Variants in FSTL5 observed in about 807,000 individuals in gnomAD.
FSTL5 encodes the protein follistatin like 5.
A neutral mutation model predicts 89.1 loss-of-function variants in FSTL5; 62 were observed. The ratio of observed to expected loss-of-function variants is 0.70; its 90% CI spans 0.57 to 0.86. FSTL5 has a LOEUF of 0.86. Ranked by LOEUF, FSTL5 falls within the 40% of genes least tolerant of loss-of-function variation. FSTL5 has a pLI of 0.00. For synonymous variants in FSTL5, 383 were observed against 346.2 expected (o/e 1.11, Z -1.18); for missense variants, 1,057 against 1,001.6 (o/e 1.06, Z -0.75).
chr4:162,157,127 G>T (rs558224302), intron 1 of FSTL5, among the ~76,000 whole-genome samples: 1 of 152,174 alleles, frequency 6.6e-6, no homozygotes, highest in South Asian at 2.1e-4. Context: ...GACAGTCTGG[G>T]TCAAGGTAAA....
chr4:161,609,073 T>C (rs1734553622), intron 7 of FSTL5, among the ~76,000 whole-genome samples: 1 of 152,044 alleles, frequency 6.6e-6, no homozygotes, highest in Non-Finnish European at 1.5e-5. Context: ...GTGTGATTAT[T>C]TGTTAATTGT....
At chr4:161,908,844 T>C (rs1176957435) in intron 4 of FSTL5, among the ~76,000 whole-genome samples, 2 of 152,128 alleles carry the variant, frequency 1.3e-5, no homozygotes, top group African/African-American at 4.8e-5. Context: ...TAAAGTGATA[T>C]AGTATTAGAT....
intron 8 of FSTL5, among the ~76,000 whole-genome samples, chr4:161,570,378 T>C (rs999636568): frequency 6.6e-6 from 1 of 152,138 alleles, no homozygotes; most frequent in African/African-American, 2.4e-5. Context: ...GTTTGTTATG[T>C]ATAAGGTCCA....
intron 3 of FSTL5, among the ~76,000 whole-genome samples, chr4:161,954,367 C>G (rs1309472804): frequency 1.3e-5 from 2 of 151,424 alleles, no homozygotes; most frequent in East Asian, 3.9e-4. Context: ...TCAAAATTTC[C>G]ACAAAAAATT....
chr4:161,719,771 G>A (rs1739126582), intron 6 of FSTL5, among the ~76,000 whole-genome samples: 1 of 152,050 alleles, frequency 6.6e-6, no homozygotes, highest in South Asian at 2.1e-4. Flanking sequence ...TTTGTTGTTA[G>A]TGTATTGTAA....
chr4:161,611,231 C>CATATAT lies in FSTL5; in HGVS notation c.895-23662_895-23657dup, dbSNP rs70937667. Among the ~76,000 whole-genome samples, 1,194 of 128,326 alleles carry CATATAT rather than the reference C, an allele frequency of 9.3e-3. 11 individuals carry two copies. Among genetic ancestry groups the CATATAT allele is most frequent in the East Asian group, 0.016 (66 of 4,208 alleles). The allele number at this position is 128,326 out of a possible 152,430, so 84.2% of individuals were successfully genotyped here. ...ATGTGTATATGTGTGTATGTGTATACATATATATATATATATATATATATA... is the reference window on the plus strand; with the variant it reads ...ATGTGTATATGTGTGTATGTGTATACATATATATATATATATATATATATATATATA... On this transcript the variant is annotated intron_variant, in intron 7 of 15. Transcript: ENST00000306100.
chr4:162,162,091 T>C (rs1733717660), intron 1 of FSTL5, among the ~76,000 whole-genome samples: 1 of 152,106 alleles, frequency 6.6e-6, no homozygotes, highest in African/African-American at 2.4e-5. Context: ...TTCAAAAGAT[T>C]TACATTTGAC....
chr4:162,044,837 A>T (rs896837716), intron 2 of FSTL5, among the ~76,000 whole-genome samples: 1 of 152,142 alleles, frequency 6.6e-6, no homozygotes, highest in African/African-American at 2.4e-5. Flanking sequence ...ACAGCTTCCA[A>T]CTTTTCTTCT....
intron 6 of FSTL5, among the ~76,000 whole-genome samples, chr4:161,657,696 G>C (rs1351477216): frequency 6.6e-6 from 1 of 152,072 alleles, no homozygotes; most frequent in Non-Finnish European, 1.5e-5. Context: ...ATCCAATAAA[G>C]AGTTATTTGG....
At chr4:162,085,300 A>G (rs1730266805) in intron 2 of FSTL5, among the ~76,000 whole-genome samples, 1 of 152,134 alleles carries the variant, frequency 6.6e-6, no homozygotes, top group Admixed American at 6.6e-5. Context: ...CTTATAAAAG[A>G]TAATATTCCC....
intron 7 of FSTL5, among the ~76,000 whole-genome samples, chr4:161,604,162 A>T (rs1734353986): frequency 6.6e-6 from 1 of 152,092 alleles, no homozygotes; most frequent in Non-Finnish European, 1.5e-5. Context: ...TCATCTTTTC[A>T]ACATGTTACT....
At chr4:161,826,404 T>C (rs372277838) in intron 4 of FSTL5, among the ~76,000 whole-genome samples, 3 of 152,286 alleles carry the variant, frequency 2.0e-5, no homozygotes, top group South Asian at 4.1e-4. Flanking sequence ...CTATTCTAGG[T>C]ATAGTTTAAA....
chr4:161,839,931 A>C (rs1279527063), intron 4 of FSTL5, among the ~76,000 whole-genome samples: 1 of 152,222 alleles, frequency 6.6e-6, no homozygotes, highest in Non-Finnish European at 1.5e-5. Context: ...TCAGGAGAGC[A>C]TGTAGAAAGA....
At chr4:161,841,772 G>A (rs1023381267) in intron 4 of FSTL5, among the ~76,000 whole-genome samples, 5 of 152,176 alleles carry the variant, frequency 3.3e-5, no homozygotes, top group African/African-American at 1.2e-4. Context: ...TAGTTGCATG[G>A]TGAATCAGAG....
intron 8 of FSTL5, among the ~76,000 whole-genome samples, chr4:161,584,665 A>C (rs946514951): frequency 6.6e-6 from 1 of 152,168 alleles, no homozygotes; most frequent in Non-Finnish European, 1.5e-5. Context: ...GACTATAATC[A>C]TAGTTTTATT....
At chr4:162,119,338 G>A (rs902866443) in intron 1 of FSTL5, among the ~76,000 whole-genome samples, 8 of 152,238 alleles carry the variant, frequency 5.3e-5, no homozygotes, top group Admixed American at 5.2e-4. Flanking sequence ...ACTTCTGGAA[G>A]AGGGAACATT....
chr4:162,095,923 G>A (rs916230825), intron 2 of FSTL5, among the ~76,000 whole-genome samples: 1 of 151,892 alleles, frequency 6.6e-6, no homozygotes, highest in Non-Finnish European at 1.5e-5. Flanking sequence ...TATCTTTAAT[G>A]TGTGAAATCT....
intron 2 of FSTL5, among the ~76,000 whole-genome samples, chr4:162,057,260 T>C (rs951897886): frequency 2.6e-5 from 4 of 152,184 alleles, no homozygotes; most frequent in African/African-American, 9.7e-5. Flanking sequence ...CCTCTGCTCA[T>C]TCCTTTTTAA....
intron 2 of FSTL5, among the ~76,000 whole-genome samples, chr4:162,101,935 T>A (rs1409482800): frequency 2.0e-5 from 3 of 152,160 alleles, no homozygotes; most frequent in Non-Finnish European, 4.4e-5. Context: ...AGAAAACATA[T>A]CTTTAGTCAT....
Sources: allele counts gnomAD v4.1 joint callset (sites outside exome capture counted in the v4.1 genomes callset), GRCh38; gene constraint gnomAD v4.1.1; transcripts MANE v1.5; gene names NCBI Gene and HGNC (gene_info 2026-07-23, HGNC 2026-07-21).